TMEM254: variants seen among roughly 807,000 people sequenced by gnomAD.
TMEM254 encodes transmembrane protein C10orf57.
Under a neutral mutation model 13.9 loss-of-function variants are expected in TMEM254, and 16 were observed. The observed-to-expected ratio is 1.15, with a 90% CI of 0.78 to 1.75. The LOEUF (loss-of-function observed/expected upper bound fraction) is 1.75, where lower values mean the gene tolerates loss of function less well. Among genes scored for constraint, TMEM254 ranks in the 40% most tolerant of loss-of-function variants. The pLI is 0.00. For missense variants in TMEM254, 155 were observed against 149.0 expected (o/e 1.04, Z -0.21); for synonymous variants, 61 against 56.4 (o/e 1.08, Z -0.36).
intron 1 of TMEM254, chr10:80,079,741 C>A: frequency 1.0e-6 from 1 of 979,078 alleles, no homozygotes. Context: ...GAGACGGAGT[C>A]TCGCTCTGTC....
intron 3 of TMEM254, among the ~76,000 whole-genome samples, chr10:80,082,413 ATTAC>A (rs1844085892): frequency 6.6e-6 from 1 of 152,218 alleles, no homozygotes; most frequent in Non-Finnish European, 1.5e-5. Flanking sequence ...TGGTTAACCA[ATTAC>A]TTAGTTATCT....
chr10:80,086,920 A>C (rs963455323), intron 3 of TMEM254, among the ~76,000 whole-genome samples: 4 of 151,782 alleles, frequency 2.6e-5, no homozygotes, highest in Admixed American at 6.6e-5. Flanking sequence ...ACATATAGAT[A>C]TAATCTCTTT....
chr10:80,084,781 GTA>G (rs1235354966), intron 3 of TMEM254, among the ~76,000 whole-genome samples: 3 of 152,014 alleles, frequency 2.0e-5, no homozygotes, highest in Non-Finnish European at 4.4e-5. Flanking sequence ...GGCATTTGGA[GTA>G]TCTGATGAAA....
Position 80,090,794 on chromosome 10 carries a change from T to C in TMEM254, c.252-3T>C. 1 of 1,609,078 alleles carries C rather than the reference T, an allele frequency of 6.2e-7. No homozygotes were observed. The highest frequency in any genetic ancestry group is 8.5e-7 in the Non-Finnish European group (1 of 1,178,968). On this transcript the variant is annotated splice_polypyrimidine_tract_variant and splice_region_variant and intron_variant, in intron 3 of 3. Transcript: ENST00000372281. ...TGTTTAAATTTTGTTTTTTCTGTTT[T>C]AGGCATAAAGGCATCACAAGTGGTC... is the stretch of plus-strand genomic sequence containing the variant.
At chr10:80,079,631 G>T in intron 1 of TMEM254, 1 of 986,874 alleles carries the variant, frequency 1.0e-6, no homozygotes, top group Non-Finnish European at 1.2e-6. Flanking sequence ...TAGAAAAAGA[G>T]CGACGTTTGT....
In TMEM254 at chr10:80,081,840, G is replaced by T; in HGVS notation, c.88-1G>T. On this transcript the variant is annotated splice_acceptor_variant, in intron 1 of 3. Transcript: ENST00000372281. LOFTEE classifies it high-confidence loss of function. Reference sequence around the variant, plus strand: ...ATTCTGTGTCTCTGCTTCTCTTTCAGTGGGTTGTCTTCTGGCCTCAGAGTA... The same window carrying T: ...ATTCTGTGTCTCTGCTTCTCTTTCATTGGGTTGTCTTCTGGCCTCAGAGTA... The T allele has an allele frequency of 1.2e-6, 2 of 1,614,176 alleles. No homozygotes were observed. The highest frequency in any genetic ancestry group is 1.7e-6 in the Non-Finnish European group (2 of 1,180,038).
chr10:80,078,915 G>A (rs946164395), intron 1 of TMEM254, 129 bp downstream of exon 1: 7 of 1,520,804 alleles, frequency 4.6e-6, no homozygotes, highest in East Asian at 4.9e-5. Context: ...CGCGCGCTAG[G>A]AGCGGAGGGG....
Position 80,091,036 on chromosome 10 carries a change from A to G in TMEM254, c.*119A>G. The G allele has an allele frequency of 1.5e-6, 2 of 1,344,796 alleles. No individual in the cohort carries two copies. The highest frequency in any genetic ancestry group is 1.5e-5 in the South Asian group (1 of 67,086). The allele number at this position is 1,344,796 out of a possible 1,614,324, so 83.3% of individuals were successfully genotyped here. ...CTACTTTCTAGAAACTGTCCTTCAA[A>G]GCTCTTTAAGACCCCCTCGTTAGTC... On this transcript the variant is annotated 3_prime_UTR_variant, in exon 4 of 4. Transcript: ENST00000372281.
intron 1 of TMEM254, chr10:80,081,535 G>A: frequency 4.5e-6 from 3 of 673,916 alleles, no homozygotes; most frequent in South Asian, 3.9e-5. Context: ...GGGCATGGTG[G>A]CACACACGTG....
At chr10:80,083,836 G>A (rs1192685382) in intron 3 of TMEM254, among the ~76,000 whole-genome samples, 1 of 152,146 alleles carries the variant, frequency 6.6e-6, no homozygotes, top group African/African-American at 2.4e-5. Context: ...TAGCACTTTA[G>A]GAGGCCAAGG....
At chr10:80,088,443 T>TC (rs1293903587) in intron 3 of TMEM254, among the ~76,000 whole-genome samples, 4 of 149,622 alleles carry the variant, frequency 2.7e-5, no homozygotes, top group Non-Finnish European at 6.0e-5. Context: ...GTTTTTTTTC[T>TC]TTTTTTTTTC....
chr10:80,088,118 C>G (rs932604181), intron 3 of TMEM254, among the ~76,000 whole-genome samples: 12 of 152,068 alleles, frequency 7.9e-5, no homozygotes, highest in Admixed American at 7.9e-4. Flanking sequence ...TTGAGACATT[C>G]AGTCTTCACT....
In TMEM254 at chr10:80,090,807, A is replaced by G. The variant is rs781110447; in HGVS notation, c.262A>G (p.Ile88Val). ...YAIVLCKHKG[I>V]TSGRAQLLWF... is the part of the protein sequence containing the mutation. ...TTTTTTCTGTTTTAGGCATAAAGGC[A>G]TCACAAGTGGTCGGGCTCAGCTACT... Residue 88 changes from isoleucine (I) to valine (V), a missense_variant, in exon 4 of 4, where the codon ATC (isoleucine) becomes GTC (valine). By Grantham distance (29) the Ile-to-Val change is conservative (BLOSUM62 3). Transcript: ENST00000372281. The G allele has an allele frequency of 1.2e-6, 2 of 1,613,616 alleles. No individual in the cohort carries two copies. The highest frequency in any genetic ancestry group is 2.2e-5 in the South Asian group (2 of 90,886).
At chr10:80,083,727 G>A (rs151031929) in intron 3 of TMEM254, among the ~76,000 whole-genome samples, 255 of 152,228 alleles carry the variant, frequency 1.7e-3, no homozygotes, top group African/African-American at 6.0e-3. Flanking sequence ...AATAATCGCT[G>A]CTTGTGGTCC....
chr10:80,079,211 G>A, intron 1 of TMEM254: 1 of 1,000,154 alleles, frequency 1.0e-6, no homozygotes, highest in Non-Finnish European at 1.4e-6. Context: ...GGCGGGGCGG[G>A]CCTCTGTTTT....
intron 3 of TMEM254, among the ~76,000 whole-genome samples, chr10:80,083,939 G>T (rs11813610): frequency 0.011 from 1,623 of 152,118 alleles, 10 homozygotes; most frequent in Middle Eastern, 0.044. Flanking sequence ...TACTAAAAAA[G>T]CCAGGCATGG....
rs1054703391 is a variant in TMEM254, at chr10:80,090,735, A to G, written c.252-62A>G. On this transcript the variant is annotated intron_variant, in intron 3 of 3. Coordinates refer to ENST00000372281, the MANE Select transcript of TMEM254 (RefSeq NM_025125.4). Reference sequence around the variant, plus strand: ...TTAAAAAATATATATATAGAAGACAATAACTCCCATGAAACTGTAAGATTA... The same window carrying G: ...TTAAAAAATATATATATAGAAGACAGTAACTCCCATGAAACTGTAAGATTA... 1.8e-5 allele frequency: 27 copies of G among 1,529,942 alleles called. No individual in the cohort carries two copies. In the African/African-American group the frequency reaches 2.2e-4, roughly 13 times the overall value. The allele number at this position is 1,529,942 out of a possible 1,614,324, so 94.8% of individuals were successfully genotyped here.
intron 1 of TMEM254, chr10:80,079,347 T>C (rs1047813270): frequency 1.7e-6 from 2 of 1,183,012 alleles, no homozygotes; most frequent in African/African-American, 3.2e-5. Context: ...TAGTTTCTGC[T>C]TTCTAGTGTT....
Position 80,083,869 on chromosome 10 carries a change from G to A in TMEM254, c.251+1665G>A, listed in dbSNP as rs186353200. 5.9e-5 allele frequency among the ~76,000 whole-genome samples: 9 copies of A among 152,160 alleles called. No individual in the cohort carries two copies. In the East Asian group the frequency reaches 1.7e-3, roughly 29 times the overall value. Reference sequence around the variant, plus strand: ...AGGTGGGCAGATCATTTGAGACCAGGAGTTTGAAACCATCCTGGCCAACAT... The same window carrying A: ...AGGTGGGCAGATCATTTGAGACCAGAAGTTTGAAACCATCCTGGCCAACAT... On this transcript the variant is annotated intron_variant, in intron 3 of 3. Coordinates refer to ENST00000372281, the MANE Select transcript of TMEM254 (RefSeq NM_025125.4).
Sources: allele counts gnomAD v4.1 joint callset (sites outside exome capture counted in the v4.1 genomes callset), GRCh38; gene constraint gnomAD v4.1.1; transcripts MANE v1.5; gene names NCBI Gene and HGNC (gene_info 2026-07-23, HGNC 2026-07-21).